Variants in TUSC3 observed in about 807,000 individuals in gnomAD.
The protein encoded by TUSC3 is dolichyl-diphosphooligosaccharide--protein glycosyltransferase subunit TUSC3.
TUSC3 carries 45 observed loss-of-function variants against 44.8 expected under a neutral mutation model. That is an observed-to-expected ratio of 1.00 (90% CI 0.79 to 1.29). TUSC3 has a LOEUF of 1.29. Ranked by LOEUF, TUSC3 falls within the 50% of genes most tolerant of loss-of-function variation. The pLI, the probability that TUSC3 is intolerant of heterozygous loss-of-function variation, is 0.00. For missense variants in TUSC3, 519 were observed against 437.9 expected (o/e 1.19, Z -1.65); for synonymous variants, 212 against 152.9 (o/e 1.39, Z -2.85).
intron 2 of TUSC3, among the ~76,000 whole-genome samples, chr8:15,534,298 T>C (rs559806436): frequency 6.6e-6 from 1 of 152,312 alleles, no homozygotes; most frequent in East Asian, 1.9e-4. Context: ...GCACAATATT[T>C]AGGTTTATAC....
intron 2 of TUSC3, 76 bp downstream of exon 2, chr8:15,623,325 TAA>T: frequency 7.4e-7 from 1 of 1,356,370 alleles, no homozygotes; most frequent in Non-Finnish European, 9.8e-7. Flanking sequence ...CATTTTAAGA[TAA>T]ATATATGTAA....
At chr8:15,436,307 G>A (rs900851733) in intron 1 of TUSC3, among the ~76,000 whole-genome samples, 4 of 152,184 alleles carry the variant, frequency 2.6e-5, no homozygotes, top group African/African-American at 7.2e-5. Flanking sequence ...CTGCCTCGTG[G>A]ACTTACATCA....
At chr8:15,811,519 C>T in the TUSC3 span, among the ~76,000 whole-genome samples, 1 of 152,132 alleles carries the variant, frequency 6.6e-6, no homozygotes, top group African/African-American at 2.4e-5. Context: ...GTCAAGGAGA[C>T]TGGGAAAAGT....
chr8:15,710,105 C>T (rs759347598), intron 6 of TUSC3, among the ~76,000 whole-genome samples: 14 of 151,762 alleles, frequency 9.2e-5, no homozygotes, highest in Non-Finnish European at 5.9e-5. Flanking sequence ...CTGCCCTTTT[C>T]GGAGTCCTAC....
intron 1 of TUSC3, among the ~76,000 whole-genome samples, chr8:15,576,450 TCCCTCCCC>T (rs1389402654): frequency 1.8e-5 from 2 of 112,800 alleles, no homozygotes; most frequent in Non-Finnish European, 3.7e-5. Flanking sequence ...CCCAATGCTA[TCCCTCCCC>T]CCCTCCCCCC....
chr8:15,748,887 T>C (rs1363726234), intron 9 of TUSC3: 1 of 389,070 alleles, frequency 2.6e-6, no homozygotes, highest in East Asian at 7.3e-5. Context: ...AGAGCCAACA[T>C]GAAAGGGAAA....
At chr8:15,688,705 T>G (rs1342365743) in intron 6 of TUSC3, among the ~76,000 whole-genome samples, 3 of 152,144 alleles carry the variant, frequency 2.0e-5, no homozygotes, top group Admixed American at 6.5e-5. Flanking sequence ...GAGATTTCCC[T>G]CCCTTCCATT....
chr8:15,818,791 G>T, the TUSC3 span, among the ~76,000 whole-genome samples: 5 of 152,194 alleles, frequency 3.3e-5, no homozygotes, highest in Admixed American at 1.3e-4. Context: ...GAACTAGATT[G>T]CTGCTGCCCC....
chr8:15,523,708 GTA>G lies in TUSC3; in HGVS notation n.189+40242_189+40243del, dbSNP rs71211051. Among the ~76,000 whole-genome samples, 169 of 112,330 alleles carry G rather than the reference GTA, an allele frequency of 1.5e-3. 3 individuals are homozygous for G. The highest frequency in any genetic ancestry group is 2.5e-3 in the East Asian group (11 of 4,458). 73.7% of individuals were successfully genotyped at this position (112,330 alleles called of 152,430 possible). ...TGTGTGTGTGTGTGTGTGTGTGTGT[GTA>G]TATATATATATATATAAAGTAGTTC... On this transcript the variant is annotated intron_variant and non_coding_transcript_variant, in intron 2 of 5. Coordinates refer to the TUSC3 transcript ENST00000503191.
At chr8:15,584,653 T>C (rs900579853) in intron 1 of TUSC3, among the ~76,000 whole-genome samples, 7 of 151,226 alleles carry the variant, frequency 4.6e-5, no homozygotes, top group African/African-American at 1.7e-4. Context: ...TGAGGAAGAG[T>C]GTGACATGAT....
intron 7 of TUSC3, among the ~76,000 whole-genome samples, chr8:15,731,235 TAGAAGGA>T (rs1810709204): frequency 6.6e-6 from 1 of 152,058 alleles, no homozygotes; most frequent in Admixed American, 6.6e-5. Context: ...GATTTGGAGT[TAGAAGGA>T]TGAAGAATGT....
chr8:15,473,974 A>G (rs1800533348), intron 1 of TUSC3, among the ~76,000 whole-genome samples: 1 of 152,068 alleles, frequency 6.6e-6, no homozygotes, highest in Admixed American at 6.6e-5. Flanking sequence ...ACCAGGGCGT[A>G]TTTTGGTCCT....
At chr8:15,426,131 C>T (rs1799800710) in intron 1 of TUSC3, among the ~76,000 whole-genome samples, 1 of 152,154 alleles carries the variant, frequency 6.6e-6, no homozygotes, top group East Asian at 1.9e-4. Flanking sequence ...TTAAAGTGTA[C>T]ATTTGATGAG....
rs554574367 is a variant in TUSC3 at position 15,655,224 on chromosome 8, T to TGGTGATTA, written c.427-4281_427-4274dup. Among the ~76,000 whole-genome samples the TGGTGATTA allele has an allele frequency of 1.1e-3, 170 of 152,214 alleles. 2 individuals are homozygous for TGGTGATTA. Among genetic ancestry groups the TGGTGATTA allele is most frequent in the African/African-American group, 4.0e-3 (166 of 41,534 alleles). ...CCAGTAAATAGAAAACACCTGAAGA[T>TGGTGATTA]GGTGATTAGCAGCTTCCTGCTAAGA... On this transcript the variant is annotated intron_variant, in intron 3 of 10. Coordinates refer to ENST00000503731, the MANE Select transcript of TUSC3 (RefSeq NM_006765.4).
chr8:15,681,255 GTTC>G lies in TUSC3; in HGVS notation c.798+7425_798+7427del, dbSNP rs1472330969. 2.0e-5 allele frequency among the ~76,000 whole-genome samples: 3 copies of G among 150,414 alleles called. No individual in the cohort carries two copies. The East Asian group carries it at 5.8e-4, about 29-fold the overall frequency. On this transcript the variant is annotated intron_variant, in intron 6 of 10. Transcript: ENST00000503731. ...AATAGTTTCAGTAGGATTGGTACCAGTTCTTCTTTATATATTTTATGGAATTCA... is the reference window on the plus strand; with the variant it reads ...AATAGTTTCAGTAGGATTGGTACCAGTTCTTTATATATTTTATGGAATTCA...
Position 15,556,782 on chromosome 8 carries a change from T to G in TUSC3, c.138+16214T>G, listed in dbSNP as rs568890905. Among the ~76,000 whole-genome samples the G allele has an allele frequency of 3.1e-3, 410 of 131,690 alleles. 2 individuals are homozygous for G. The highest frequency in any genetic ancestry group is 0.01 in the African/African-American group (368 of 36,390). 86.4% of individuals were successfully genotyped at this position (131,690 alleles called of 152,430 possible). A position where few individuals can be genotyped will look rare whatever the true frequency, so the allele number is the denominator to read the frequency against. ...ATGATGAGCATTTTTTCATGTGTTT[T>G]TTGGCTGCATAAATGTCTTCTTTTG... On this transcript the variant is annotated intron_variant, in intron 1 of 10. Transcript: ENST00000503731.
intron 7 of TUSC3, among the ~76,000 whole-genome samples, chr8:15,739,349 G>A (rs1441084440): frequency 6.6e-6 from 1 of 152,002 alleles, no homozygotes; most frequent in Middle Eastern, 3.2e-3. Flanking sequence ...TAGTTCATGA[G>A]CATACTTCTG....
chr8:15,767,481 T>TA (rs1036579435), downstream of TUSC3, among the ~76,000 whole-genome samples: 4 of 150,472 alleles, frequency 2.7e-5, no homozygotes, highest in Admixed American at 6.6e-5. Context: ...AAATTTGTTT[T>TA]AAAAAAAAAA....
intron 1 of TUSC3, among the ~76,000 whole-genome samples, chr8:15,420,053 A>G (rs1799718850): frequency 6.6e-6 from 1 of 152,196 alleles, no homozygotes; most frequent in Non-Finnish European, 1.5e-5. Flanking sequence ...AAATAAATAT[A>G]TTATTTTTGA....
Sources: gnomAD v4.1 joint callset for allele counts (sites outside exome capture counted in the v4.1 genomes callset) on GRCh38, gnomAD v4.1.1 for gene constraint, MANE v1.5 for transcripts, NCBI Gene and HGNC (gene_info 2026-07-23, HGNC 2026-07-21) for gene names.